The following AMPD3 variants were observed in gnomAD, a reference collection of about 807,000 sequenced individuals.
The protein encoded by AMPD3 is AMP deaminase 3.
A neutral mutation model predicts 82.3 loss-of-function variants in AMPD3; 57 were observed. That is an observed-to-expected ratio of 0.69 (90% CI 0.56 to 0.86). AMPD3 has a LOEUF of 0.86. Among genes scored for constraint, AMPD3 ranks in the 40% least tolerant of loss-of-function variants. The pLI is 0.00. For missense variants in AMPD3, 870 were observed against 1,003.8 expected (o/e 0.87, Z 1.80); for synonymous variants, 381 against 394.7 (o/e 0.97, Z 0.41).
At position 10,505,725 on chromosome 11, in the gene AMPD3, G is replaced by A. The variant is rs758619077; in HGVS notation, c.2145G>A (p.Leu715=). ...GLSHQEKQKF[L]GQNYYKEGPE... The stretch of plus-strand genomic sequence containing the variant: ...GTCCACAGGAAAAGCAAAAGTTTCT[G>A]GGACAAAATTATTATAAAGAAGGAC... Residue 715 remains leucine, a synonymous_variant, in exon 15 of 15, where the codon CTG becomes CTA. Transcript: ENST00000396553. 6 of 1,613,708 alleles carry A rather than the reference G, an allele frequency of 3.7e-6. No homozygotes were observed.
intron 10 of AMPD3, chr11:10,498,529 A>G (rs945135716): frequency 1.3e-5 from 2 of 152,696 alleles, no homozygotes; most frequent in East Asian, 1.9e-4. Flanking sequence ...GTATGGAGCT[A>G]GTGAGCACAG....
chr11:10,455,519 A>C, intron 1 of AMPD3, 71 bp downstream of exon 1: 6 of 800,412 alleles, frequency 7.5e-6, no homozygotes, highest in Non-Finnish European at 9.1e-6. Context: ...GTGTGTGTGG[A>C]TGGGGGTGGG....
chr11:10,484,869 T>C lies in AMPD3; in HGVS notation c.639T>C (p.Asp213=), dbSNP rs1564848752. The C allele has an allele frequency of 6.2e-7, 1 of 1,614,128 alleles. No individual in the cohort carries two copies. The highest frequency in any genetic ancestry group is 8.5e-7 in the Non-Finnish European group (1 of 1,180,020). The change falls in exon 5 of 15, where the codon GAT becomes GAC. Residue 213 remains aspartate, a synonymous_variant. Coordinates refer to ENST00000396553, the MANE Select transcript of AMPD3 (RefSeq NM_001025389.2). ...AGGAAGACCCCTACTGCCTGGATGA[T>C]GCACCCCCCAACCTGGATTACTTGG... ...LPQEDPYCLD[D]APPNLDYLVH...
chr11:10,484,560 G>C (rs1004774884), intron 4 of AMPD3: 1 of 941,240 alleles, frequency 1.1e-6, no homozygotes, highest in Admixed American at 6.2e-5. Context: ...GCAGTGAACA[G>C]CACAAATTAA....
upstream of AMPD3, chr11:10,450,905 G>A: frequency 8.0e-7 from 1 of 1,243,242 alleles, no homozygotes; most frequent in Admixed American, 4.4e-5. Context: ...CCTGCTGCGG[G>A]GCGCGGCCTG....
upstream of AMPD3, among the ~76,000 whole-genome samples, chr11:10,454,545 C>T (rs1201970096): frequency 6.6e-6 from 1 of 152,198 alleles, no homozygotes; most frequent in African/African-American, 2.4e-5. Flanking sequence ...CTAGTAGAAA[C>T]TGTGCATGAA....
intron 5 of AMPD3, chr11:10,486,683 G>T (rs746755768): frequency 1.6e-5 from 16 of 985,306 alleles, no homozygotes; most frequent in Non-Finnish European, 1.9e-5. Context: ...TAGGTCAGGG[G>T]GCTGGTTCCT....
chr11:10,468,802 A>G (rs918954419), intron 2 of AMPD3, among the ~76,000 whole-genome samples: 4 of 152,258 alleles, frequency 2.6e-5, no homozygotes, highest in African/African-American at 9.6e-5. Flanking sequence ...CTCTCAGACC[A>G]CAGTGCAATC....
At chr11:10,475,170 G>C (rs575894148) in intron 2 of AMPD3, among the ~76,000 whole-genome samples, 91 of 152,300 alleles carry the variant, frequency 6.0e-4, no homozygotes, top group African/African-American at 2.0e-3. Flanking sequence ...GCAGGAGCAG[G>C]CGTCTTACAT....
At chr11:10,455,205 C>T (rs1848057355), upstream of AMPD3, 1 of 985,448 alleles carries the variant, frequency 1.0e-6, no homozygotes, top group Admixed American at 6.1e-5. Context: ...GGTTATTTCC[C>T]AGGACCACAG....
chr11:10,477,769 AGCAGCCACTGTGCCATGGGCCGTGT>A, intron 2 of AMPD3: 1 of 584,552 alleles, frequency 1.7e-6, no homozygotes, highest in Non-Finnish European at 2.2e-6. Flanking sequence ...GGCTGGGTGG[AGCAGCCACTGTGCCATGGGCCGTGT>A]GACTTTGTGC....
Position 10,456,126 on chromosome 11 carries a change from G to A in AMPD3, c.-6+678G>A. 1 of 1,338,380 alleles carries A rather than the reference G, an allele frequency of 7.5e-7. No individual in the cohort carries two copies. The highest frequency in any genetic ancestry group is 9.6e-7 in the Non-Finnish European group (1 of 1,043,222). 82.9% of individuals were successfully genotyped at this position (1,338,380 alleles called of 1,614,324 possible). A position where few individuals can be genotyped will look rare whatever the true frequency, so the allele number is the denominator to read the frequency against. ...CAGGATACCACAGCCATTTTGTTTT[G>A]GATAACTGGGATTACCTGGGGACTT... On this transcript the variant is annotated intron_variant, in intron 1 of 14. Transcript: ENST00000396553. The surrounding 1 kb of genome is among the most constrained non-coding windows in gnomAD (Gnocchi z 4.3).
chr11:10,473,623 G>A (rs1475915190), intron 2 of AMPD3: 16 of 983,520 alleles, frequency 1.6e-5, no homozygotes, highest in Non-Finnish European at 1.9e-5. Context: ...TGCATATGCG[G>A]AGTGAGTGAT....
chr11:10,497,804 G>C (rs1038813059), intron 10 of AMPD3: 3 of 985,290 alleles, frequency 3.0e-6, no homozygotes, highest in Non-Finnish European at 3.6e-6. Context: ...GCTCACACTC[G>C]TGCGTGCTTC....
At chr11:10,483,529 G>A (rs1330141401) in intron 4 of AMPD3, among the ~76,000 whole-genome samples, 1 of 152,248 alleles carries the variant, frequency 6.6e-6, no homozygotes, top group Non-Finnish European at 1.5e-5. Flanking sequence ...AGAAATGACT[G>A]TCAAATGTGT....
intron 9 of AMPD3, chr11:10,496,506 A>G (rs1849405185): frequency 2.0e-6 from 2 of 985,402 alleles, no homozygotes; most frequent in Non-Finnish European, 1.2e-6. Context: ...GTCACTGGGA[A>G]TTTGAGGATT....
chr11:10,500,652 C>T lies in AMPD3; in HGVS notation c.1721+403C>T, dbSNP rs560763586. On this transcript the variant is annotated intron_variant, in intron 11 of 14. Coordinates refer to ENST00000396553, the MANE Select transcript of AMPD3 (RefSeq NM_001025389.2). The stretch of plus-strand genomic sequence containing the variant: ...GCACGGTCACTTACTGCCACACCAA[C>T]AATGTCCACACGTGCATATTTTCGT... 36 of 985,490 alleles carry T rather than the reference C, an allele frequency of 3.7e-5. No homozygotes were observed. The South Asian group carries it at 1.2e-3, about 32-fold the overall frequency. The allele number at this position is 985,490 out of a possible 1,614,324, so 61.0% of individuals were successfully genotyped here. A position where few individuals can be genotyped will look rare whatever the true frequency, so the allele number is the denominator to read the frequency against.
chr11:10,484,683 G>C, intron 4 of AMPD3, 137 bp from the exon 5 acceptor site: 1 of 1,233,346 alleles, frequency 8.1e-7, no homozygotes, highest in East Asian at 2.5e-5. Context: ...AGGAAGCAGG[G>C]AAGAGCATAT....
intron 6 of AMPD3, among the ~76,000 whole-genome samples, chr11:10,492,047 G>A (rs1849254510): frequency 6.6e-6 from 1 of 152,176 alleles, no homozygotes; most frequent in Non-Finnish European, 1.5e-5. Context: ...GTCTGGTAGT[G>A]AGGATGAGCT....
Sources: allele counts gnomAD v4.1 joint callset (sites outside exome capture counted in the v4.1 genomes callset), GRCh38; gene constraint gnomAD v4.1.1; non-coding constraint Gnocchi (gnomAD v3.1); transcripts MANE v1.5; gene names NCBI Gene and HGNC (gene_info 2026-07-23, HGNC 2026-07-21).